The following CEP85 variants were observed in gnomAD, a reference collection of about 807,000 sequenced individuals.
CEP85 encodes the protein centrosomal protein 85.
Under a neutral mutation model 93.7 loss-of-function variants are expected in CEP85, and 58 were observed. That is an observed-to-expected ratio of 0.62 (90% confidence interval 0.50 to 0.77). The LOEUF (loss-of-function observed/expected upper bound fraction) is 0.77, where lower values mean the gene tolerates loss of function less well. CEP85 is among the 30% of genes least tolerant of loss of function. CEP85 has a pLI of 0.00. For synonymous variants in CEP85, 314 were observed against 338.6 expected, an observed-to-expected ratio of 0.93 and a Z score of 0.80; for missense variants, 868 against 922.0, an observed-to-expected ratio of 0.94 and a Z score of 0.76.
intron 1 of CEP85, among the ~76,000 whole-genome samples, chr1:26,235,567 C>T (rs74061098): frequency 0.019 from 1,858 of 95,528 alleles, 55 homozygotes; most frequent in African/African-American, 0.073. Flanking sequence ...GATTGTAATT[C>T]TTTTTTTTTT....
At position 26,244,321 on chromosome 1, in the gene CEP85, A is replaced by G. The variant is rs771135200; in HGVS notation, c.208+3A>G. The G allele has an allele frequency of 7.4e-6, 12 of 1,612,062 alleles. No homozygotes were observed. The highest frequency in any genetic ancestry group is 1.0e-5 in the Non-Finnish European group (12 of 1,178,630). ...ATCATGCTCAGATATTGCGGAGGGT[A>G]AGTTTGTATTAATGATTTGATTACC... On this transcript the variant is annotated splice_donor_region_variant and intron_variant, in intron 3 of 13. Coordinates refer to ENST00000451429, the MANE Select transcript of CEP85 (RefSeq NM_001319944.2).
Position 26,277,355 on chromosome 1 carries a change from T to G in CEP85, c.*62T>G. On this transcript the variant is annotated 3_prime_UTR_variant, in exon 14 of 14. Coordinates refer to ENST00000451429, the MANE Select transcript of CEP85 (RefSeq NM_001319944.2). ...TGCTGAGAGCCTAGTCCAGCAGGTT[T>G]CTGCCCTGACATTCTCTTGTCTGCT... 6.6e-7 allele frequency: 1 copy of G among 1,513,490 alleles called. No homozygotes were observed. Among genetic ancestry groups the G allele is most frequent in the Non-Finnish European group, 9.1e-7 (1 of 1,098,736 alleles). 93.8% of individuals were successfully genotyped at this position (1,513,490 alleles called of 1,614,324 possible). A position where few individuals can be genotyped will look rare whatever the true frequency, so the allele number is the denominator to read the frequency against.
At chr1:26,255,134 T>C (rs753893904) in intron 3 of CEP85, 37 bp from the exon 4 acceptor site, 17 of 1,563,288 alleles carry the variant, frequency 1.1e-5, no homozygotes, top group African/African-American at 5.4e-5. Flanking sequence ...AGCTTGCTAC[T>C]TCAATTTTTA....
At chr1:26,244,054 A>G in intron 2 of CEP85, 112 bp from the exon 3 acceptor site, 1 of 868,944 alleles carries the variant, frequency 1.2e-6, no homozygotes, top group South Asian at 2.0e-5. Context: ...CAGGAGAGAG[A>G]AAGGGGTGGG....
intron 3 of CEP85, among the ~76,000 whole-genome samples, chr1:26,251,274 G>A (rs1481534436): frequency 2.5e-5 from 3 of 118,400 alleles, no homozygotes; most frequent in African/African-American, 6.4e-5. Context: ...TTTTTGAGGT[G>A]GAGTTTAGCT....
intron 3 of CEP85, among the ~76,000 whole-genome samples, chr1:26,254,427 T>TAAA (rs78505562): frequency 6.3e-5 from 9 of 143,626 alleles, no homozygotes; most frequent in South Asian, 2.2e-4. Flanking sequence ...AAGGAAAAGT[T>TAAA]AAAAAAAAAA....
intron 3 of CEP85, among the ~76,000 whole-genome samples, chr1:26,245,852 T>G (rs201019307): frequency 1.3e-5 from 2 of 152,110 alleles, no homozygotes; most frequent in Non-Finnish European, 2.9e-5. Flanking sequence ...AAACATCTAC[T>G]CCACAGCCAC....
intron 1 of CEP85, 108 bp downstream of exon 1, chr1:26,234,418 G>A (rs953832292): frequency 1.3e-5 from 2 of 152,274 alleles, no homozygotes; most frequent in Admixed American, 6.5e-5. Context: ...GTGAGGGGCC[G>A]GGGAGAGCGA....
chr1:26,245,127 C>T (rs1169694657), intron 3 of CEP85, among the ~76,000 whole-genome samples: 3 of 151,480 alleles, frequency 2.0e-5, no homozygotes, highest in Admixed American at 6.6e-5. Context: ...TCACTGCAGC[C>T]GTAAACTCCT....
At chr1:26,248,069 A>C (rs1326431283) in intron 3 of CEP85, among the ~76,000 whole-genome samples, 1 of 152,174 alleles carries the variant, frequency 6.6e-6, no homozygotes, top group Non-Finnish European at 1.5e-5. Flanking sequence ...GGACTTCAAA[A>C]ATTGCCTCTG....
chr1:26,240,878 A>G (rs1393530009), intron 2 of CEP85, among the ~76,000 whole-genome samples: 1 of 152,012 alleles, frequency 6.6e-6, no homozygotes, highest in East Asian at 1.9e-4. Flanking sequence ...AGCCTGGGCA[A>G]CAGAGTGAGA....
chr1:26,253,670 A>G (rs2089653369), intron 3 of CEP85, among the ~76,000 whole-genome samples: 1 of 151,708 alleles, frequency 6.6e-6, no homozygotes, highest in South Asian at 2.1e-4. Context: ...GATTACAGGC[A>G]TGAGCCACTG....
chr1:26,270,018 C>T (rs2089951297), intron 9 of CEP85, among the ~76,000 whole-genome samples: 1 of 151,976 alleles, frequency 6.6e-6, no homozygotes, highest in African/African-American at 2.4e-5. Flanking sequence ...CCTCGTGATC[C>T]ACCCTCCTTG....
At chr1:26,242,373 C>T (rs777470197) in intron 2 of CEP85, among the ~76,000 whole-genome samples, 1 of 152,170 alleles carries the variant, frequency 6.6e-6, no homozygotes, top group Non-Finnish European at 1.5e-5. Context: ...TAGAATTACA[C>T]CAACTTAGTA....
chr1:26,261,159 T>A (rs960012143), intron 7 of CEP85, among the ~76,000 whole-genome samples: 4 of 151,640 alleles, frequency 2.6e-5, no homozygotes, highest in African/African-American at 9.7e-5. Flanking sequence ...CTTAAGAGGG[T>A]TTGTTAAAAA....
intron 11 of CEP85, among the ~76,000 whole-genome samples, chr1:26,273,936 T>TAAATAAA (rs1251906658): frequency 3.4e-5 from 3 of 88,848 alleles, no homozygotes; most frequent in Non-Finnish European, 5.1e-5. Context: ...AAATAAAATA[T>TAAATAAA]ATATATATAT....
At chr1:26,261,460 G>A (rs542940342) in intron 7 of CEP85, among the ~76,000 whole-genome samples, 32 of 151,974 alleles carry the variant, frequency 2.1e-4, no homozygotes, top group Admixed American at 5.9e-4. Context: ...CAACAAGAGC[G>A]AAACTCCATC....
chr1:26,250,155 C>T (rs1033315184), intron 3 of CEP85, among the ~76,000 whole-genome samples: 4 of 147,936 alleles, frequency 2.7e-5, no homozygotes, highest in Non-Finnish European at 4.5e-5. Context: ...ACCAGACTTA[C>T]GGTGTAACTC....
rs1217664786 is a variant in CEP85 at position 26,255,389 on chromosome 1, G to T, written c.427G>T (p.Gly143Cys). Reference sequence around the variant, plus strand: ...CCTCGGTGCAATGAAACATTCTCCAGGCCTATCTAGAGATCTCATGTATTT... The same window carrying T: ...CCTCGGTGCAATGAAACATTCTCCATGCCTATCTAGAGATCTCATGTATTT... ...GDLGAMKHSP[G>C]LSRDLMYFSG... The change falls in exon 4 of 14, where the codon GGC becomes TGC. Residue 143 changes from glycine (G) to cysteine (C), a missense_variant. Transcript: ENST00000451429. The T allele has an allele frequency of 6.2e-7, 1 of 1,614,026 alleles. No individual in the cohort carries two copies. Among genetic ancestry groups the T allele is most frequent in the Non-Finnish European group, 8.5e-7 (1 of 1,180,024 alleles).
Sources: allele counts gnomAD v4.1 joint callset (sites outside exome capture counted in the v4.1 genomes callset), GRCh38; gene constraint gnomAD v4.1.1; transcripts MANE v1.5; gene names NCBI Gene and HGNC (gene_info 2026-07-23, HGNC 2026-07-21).